Variants in WASF2 observed in about 807,000 individuals in gnomAD.
WASF2 encodes WASP family member 2.
A neutral mutation model predicts 45.0 loss-of-function variants in WASF2; 14 were observed. That is an observed-to-expected ratio of 0.31 (90% CI 0.21 to 0.49). The LOEUF (loss-of-function observed/expected upper bound fraction) is 0.49. Among genes scored for constraint, WASF2 ranks in the 20% least tolerant of loss-of-function variants. The probability of loss-of-function intolerance (pLI) is 0.99; values close to 1 mark genes in which losing one functional copy is unlikely to be tolerated. For synonymous variants in WASF2, 200 were observed against 236.3 expected (o/e 0.85, Z 1.41); for missense variants, 439 against 636.1 (o/e 0.69, Z 3.33).
chr1:27,481,660 G>T (rs1191943548), intron 1 of WASF2, among the ~76,000 whole-genome samples: 1 of 151,852 alleles, frequency 6.6e-6, no homozygotes, highest in Non-Finnish European at 1.5e-5. Context: ...CACAGAGGCT[G>T]CAGTGAGCCA....
At chr1:27,444,589 A>T (rs969441913) in intron 1 of WASF2, among the ~76,000 whole-genome samples, 1 of 152,232 alleles carries the variant, frequency 6.6e-6, no homozygotes, top group African/African-American at 2.4e-5. Context: ...AGGTGTTCCT[A>T]AATGGTCCTC....
Position 27,464,973 on chromosome 1 carries a change from C to T in WASF2, c.-44+25013G>A, listed in dbSNP as rs773243362. Among the ~76,000 whole-genome samples the T allele has an allele frequency of 2.6e-5, 4 of 152,190 alleles. No individual in the cohort carries two copies. The East Asian group carries it at 5.8e-4, about 22-fold the overall frequency. ...TGAACTCCTGACTTTGTGATCCACC[C>T]GCCTTGGCCTCCCAAAGTGCTGGGA... On this transcript the variant is annotated intron_variant, in intron 1 of 8. Coordinates refer to ENST00000618852, the MANE Select transcript of WASF2 (RefSeq NM_006990.5).
rs147126322 is a variant in WASF2, at chr1:27,432,369, C to A, written c.-43-3436G>T. On this transcript the variant is annotated intron_variant, in intron 1 of 8. Coordinates refer to ENST00000618852, the MANE Select transcript of WASF2 (RefSeq NM_006990.5). ...GCTTTTAAAAAAAGGCAGTTATAGG[C>A]CGGGCGCGGTGGCTCACGCCTGTAA... Among the ~76,000 whole-genome samples the A allele has an allele frequency of 2.8e-4, 43 of 152,164 alleles. 1 individual carries two copies. In the East Asian group the frequency reaches 8.3e-3, roughly 29 times the overall value.
In WASF2 at chr1:27,439,024, A is replaced by C. The variant is rs76943768; in HGVS notation, c.-43-10091T>G. ...AATAAGTATCTGTTCTTTCCTTTCT[A>C]ACCTCAGTTTACCAGGAAGTTGCCA... On this transcript the variant is annotated intron_variant, in intron 1 of 8. Transcript: ENST00000618852. Among the ~76,000 whole-genome samples the C allele has an allele frequency of 5.5e-3, 834 of 152,300 alleles. 5 individuals carry two copies. The highest frequency in any genetic ancestry group is 6.8e-3 in the Middle Eastern group (2 of 294).
At chr1:27,487,897 A>G (rs1384947786) in intron 1 of WASF2, among the ~76,000 whole-genome samples, 1 of 150,230 alleles carries the variant, frequency 6.7e-6, no homozygotes, top group Non-Finnish European at 1.5e-5. Context: ...TGATTTTTAA[A>G]CAACTATTCT....
chr1:27,463,452 C>T (rs1373123818), intron 1 of WASF2, among the ~76,000 whole-genome samples: 2 of 151,278 alleles, frequency 1.3e-5, no homozygotes, highest in Non-Finnish European at 2.9e-5. Context: ...GGTAAAACCC[C>T]GTCTCTAGAA....
chr1:27,416,545 A>C (rs2016828448), intron 4 of WASF2, among the ~76,000 whole-genome samples: 1 of 152,236 alleles, frequency 6.6e-6, no homozygotes, highest in African/African-American at 2.4e-5. Flanking sequence ...ACCTGTGTGC[A>C]CATGTGGGAG....
chr1:27,477,898 CA>C lies in WASF2; in HGVS notation c.-44+12087del, dbSNP rs777021949. On this transcript the variant is annotated intron_variant, in intron 1 of 8. Coordinates refer to ENST00000618852, the MANE Select transcript of WASF2 (RefSeq NM_006990.5). ...TGGGCTACAGAGCGAGACTCCGTCT[CA>C]AAAAAAAAAAATAAATAAATAAAAA... Among the ~76,000 whole-genome samples the C allele has an allele frequency of 3.6e-3, 181 of 49,916 alleles. 10 individuals carry two copies. Among genetic ancestry groups the C allele is most frequent in the African/African-American group, 0.019 (132 of 7,006 alleles). The allele number at this position is 49,916 out of a possible 152,430, so 32.7% of individuals were successfully genotyped here.
intron 1 of WASF2, among the ~76,000 whole-genome samples, chr1:27,488,108 A>T (rs772483211): frequency 2.0e-5 from 3 of 152,110 alleles, no homozygotes; most frequent in Non-Finnish European, 2.9e-5. Flanking sequence ...AATTTCAAAC[A>T]AAGAAATACA....
At chr1:27,418,879 TTA>T in intron 3 of WASF2, 73 bp downstream of exon 3, 1 of 1,522,872 alleles carries the variant, frequency 6.6e-7, no homozygotes, top group Non-Finnish European at 8.8e-7. Flanking sequence ...TTTTTTTTTT[TTA>T]AATAAATCAG....
intron 1 of WASF2, among the ~76,000 whole-genome samples, chr1:27,471,371 G>C (rs2017686845): frequency 6.8e-6 from 1 of 148,124 alleles, no homozygotes; most frequent in Admixed American, 6.7e-5. Flanking sequence ...AAAAAGAGTA[G>C]GCTGTGCACA....
chr1:27,464,874 G>A (rs978404322), intron 1 of WASF2, among the ~76,000 whole-genome samples: 7 of 152,142 alleles, frequency 4.6e-5, no homozygotes, highest in African/African-American at 7.2e-5. Context: ...GATTACAGGC[G>A]CGTGCCACCA....
chr1:27,459,036 G>C (rs2017511202), intron 1 of WASF2, among the ~76,000 whole-genome samples: 2 of 151,470 alleles, frequency 1.3e-5, no homozygotes, highest in African/African-American at 4.9e-5. Flanking sequence ...TGAGGAAGGG[G>C]AATCACTTCA....
intron 1 of WASF2, among the ~76,000 whole-genome samples, chr1:27,454,919 G>C (rs1442288972): frequency 6.6e-6 from 1 of 152,128 alleles, no homozygotes; most frequent in Non-Finnish European, 1.5e-5. Context: ...TGTCAACAGT[G>C]TTGCTATGGA....
At chr1:27,458,401 ATTTT>A (rs1282116267) in intron 1 of WASF2, among the ~76,000 whole-genome samples, 1 of 148,916 alleles carries the variant, frequency 6.7e-6, no homozygotes, top group Non-Finnish European at 1.5e-5. Context: ...ATAGGTATTT[ATTTT>A]ATTATTTTAA....
intron 1 of WASF2, among the ~76,000 whole-genome samples, chr1:27,487,644 T>A (rs1557626663): frequency 3.8e-5 from 3 of 79,774 alleles, no homozygotes; most frequent in East Asian, 4.5e-4. Context: ...ATAATATATA[T>A]TATATATTAT....
At chr1:27,484,979 G>A (rs1269975318) in intron 1 of WASF2, among the ~76,000 whole-genome samples, 8 of 150,448 alleles carry the variant, frequency 5.3e-5, no homozygotes, top group South Asian at 4.2e-4. Context: ...GAGAAACCCC[G>A]TCTCTACTAA....
intron 1 of WASF2, among the ~76,000 whole-genome samples, chr1:27,487,722 A>T (rs1366558004): frequency 8.5e-6 from 1 of 117,084 alleles, no homozygotes; most frequent in Non-Finnish European, 1.6e-5. Context: ...AATGTATATC[A>T]TTATATTATA....
Position 27,416,086 on chromosome 1 carries a change from C to T in WASF2, c.436G>A (p.Ala146Thr). ...GAAGGGTCTGTGTAGAATTTGAGTG[C>T]CTCTTTTCCATCGTCCCTGGGATAG... is the stretch of plus-strand genomic sequence containing the variant. ...LTPYRDDGKE[A>T]LKFYTDPSYF... The change falls in exon 5 of 9, where the codon GCA becomes ACA. Residue 146 changes from alanine to threonine, a missense_variant. Transcript: ENST00000618852. The T allele has an allele frequency of 6.2e-7, 1 of 1,613,972 alleles. No homozygotes were observed. Among genetic ancestry groups the T allele is most frequent in the South Asian group, 1.1e-5 (1 of 91,076 alleles).
Sources: gnomAD v4.1 joint callset for allele counts (sites outside exome capture counted in the v4.1 genomes callset) on GRCh38, gnomAD v4.1.1 for gene constraint, MANE v1.5 for transcripts, NCBI Gene and HGNC (gene_info 2026-07-23, HGNC 2026-07-21) for gene names.